Variants in ADAMTSL1 observed in about 807,000 individuals in gnomAD.
ADAMTSL1 encodes ADAMTS like 1, also known as ADAMTS-like protein 1.
ADAMTSL1 carries 126 observed loss-of-function variants against 201.8 expected under a neutral mutation model. The ratio of observed to expected loss-of-function variants is 0.62; its 90% confidence interval spans 0.54 to 0.72. The LOEUF is 0.72. ADAMTSL1 is among the 30% of genes least tolerant of loss of function. The probability of loss-of-function intolerance (pLI) is 0.00; values close to 1 mark genes in which losing one functional copy is unlikely to be tolerated. For synonymous variants in ADAMTSL1, 1,121 were observed against 903.4 expected, an observed-to-expected ratio of 1.24 and a Z score of -4.32; for missense variants, 2,679 against 2,277.8, an observed-to-expected ratio of 1.18 and a Z score of -3.59.
chr9:18,242,173 G>A (rs1395439720), intron 2 of ADAMTSL1, among the ~76,000 whole-genome samples: 2 of 151,946 alleles, frequency 1.3e-5, no homozygotes, highest in East Asian at 3.8e-4. Flanking sequence ...TGAACAAATG[G>A]GATTCATCCC....
chr9:18,641,905 T>C (rs929558246), intron 7 of ADAMTSL1, among the ~76,000 whole-genome samples: 1 of 151,990 alleles, frequency 6.6e-6, no homozygotes, highest in Non-Finnish European at 1.5e-5. Context: ...ATATAATACA[T>C]ATGTATAGTT....
chr9:18,072,510 A>T (rs1823014481), intron 1 of ADAMTSL1, among the ~76,000 whole-genome samples: 1 of 152,162 alleles, frequency 6.6e-6, no homozygotes, highest in Non-Finnish European at 1.5e-5. Flanking sequence ...TACTATGTGA[A>T]CTGTGTGTAC....
At chr9:18,887,138 G>C (rs958718931) in intron 23 of ADAMTSL1, among the ~76,000 whole-genome samples, 1 of 152,190 alleles carries the variant, frequency 6.6e-6, no homozygotes, top group Non-Finnish European at 1.5e-5. Flanking sequence ...TGACCTTCAA[G>C]GAATTTCTCT....
At chr9:17,972,407 T>C (rs1458661207) in intron 1 of ADAMTSL1, among the ~76,000 whole-genome samples, 1 of 148,612 alleles carries the variant, frequency 6.7e-6, no homozygotes, top group Admixed American at 6.9e-5. Flanking sequence ...AGTGAGAACA[T>C]ACGGTGTTTC....
chr9:17,960,655 T>C (rs1160444086), intron 1 of ADAMTSL1, among the ~76,000 whole-genome samples: 3 of 152,248 alleles, frequency 2.0e-5, no homozygotes, highest in African/African-American at 7.2e-5. Context: ...TTTTCCTTAA[T>C]GTCTAATAGC....
chr9:18,691,534 G>C (rs901769420), intron 13 of ADAMTSL1, among the ~76,000 whole-genome samples: 3 of 152,116 alleles, frequency 2.0e-5, no homozygotes, highest in Non-Finnish European at 2.9e-5. Context: ...TCCTAAAATT[G>C]ATTTTTTTCA....
At chr9:18,573,334 C>G (rs1002755159) in intron 3 of ADAMTSL1, 3 of 154,732 alleles carry the variant, frequency 1.9e-5, no homozygotes, top group East Asian at 3.9e-4. Context: ...TGTTCTAACA[C>G]AAGACTAGGC....
chr9:18,284,831 C>A lies in ADAMTSL1; in HGVS notation c.207+120850C>A, dbSNP rs188944550. On this transcript the variant is annotated intron_variant, in intron 2 of 29. Coordinates refer to the ADAMTSL1 transcript ENST00000680146. Reference sequence around the variant, plus strand: ...TGCTGTATTATCTGATTTTTCTCAGCTATCTGTTATTAATATTTTATATGA... The same window carrying A: ...TGCTGTATTATCTGATTTTTCTCAGATATCTGTTATTAATATTTTATATGA... Among the ~76,000 whole-genome samples, 92 of 152,194 alleles carry A rather than the reference C, an allele frequency of 6.0e-4. No homozygotes were observed. The East Asian group carries it at 0.012, about 19-fold the overall frequency.
chr9:18,413,156 T>C (rs1818522078), intron 2 of ADAMTSL1, among the ~76,000 whole-genome samples: 1 of 151,644 alleles, frequency 6.6e-6, no homozygotes. Flanking sequence ...ATTTTTTTTT[T>C]TTTTTTTTTG....
chr9:18,428,151 T>A (rs775077509), intron 2 of ADAMTSL1, among the ~76,000 whole-genome samples: 4 of 152,200 alleles, frequency 2.6e-5, no homozygotes, highest in Non-Finnish European at 5.9e-5. Context: ...CAAAATTCAA[T>A]AGGCATTTAT....
intron 3 of ADAMTSL1, among the ~76,000 whole-genome samples, chr9:18,547,759 A>G (rs1820560268): frequency 6.6e-6 from 1 of 151,936 alleles, no homozygotes; most frequent in Admixed American, 6.6e-5. Context: ...AACTCTACCA[A>G]GCCATACTTT....
intron 16 of ADAMTSL1, among the ~76,000 whole-genome samples, chr9:18,762,758 C>G (rs148761696): frequency 1.3e-5 from 2 of 152,030 alleles, no homozygotes; most frequent in African/African-American, 4.8e-5. Flanking sequence ...TGATGTTTGT[C>G]TTTCTGTGGC....
intron 1 of ADAMTSL1, among the ~76,000 whole-genome samples, chr9:18,077,306 A>T (rs904398846): frequency 2.6e-5 from 4 of 152,222 alleles, no homozygotes; most frequent in Non-Finnish European, 4.4e-5. Flanking sequence ...AAGAGAGGGC[A>T]GAGAACAAAG....
At chr9:18,722,931 C>T (rs927064045) in intron 15 of ADAMTSL1, 4 of 728,298 alleles carry the variant, frequency 5.5e-6, no homozygotes, top group African/African-American at 1.7e-5. Flanking sequence ...TCTGTCCTAA[C>T]TTCGCAGCTC....
intron 15 of ADAMTSL1, among the ~76,000 whole-genome samples, chr9:18,740,852 T>C (rs1263488753): frequency 6.6e-6 from 1 of 152,160 alleles, no homozygotes; most frequent in African/African-American, 2.4e-5. Flanking sequence ...AGCATTCTTA[T>C]ACCTCATTCT....
chr9:18,889,529 G>T (rs1295479211), intron 24 of ADAMTSL1, 39 bp from the exon 25 acceptor site: 3 of 1,604,272 alleles, frequency 1.9e-6, no homozygotes, highest in African/African-American at 1.3e-5. Flanking sequence ...GGGCAATTAT[G>T]CTATATTCTT....
At chr9:18,553,623 T>C (rs1208862840) in intron 3 of ADAMTSL1, among the ~76,000 whole-genome samples, 1 of 151,886 alleles carries the variant, frequency 6.6e-6, no homozygotes, top group East Asian at 1.9e-4. Context: ...TGAGTGCTTT[T>C]GGTTTTCTGT....
At chr9:18,793,644 A>G (rs1339269011) in intron 19 of ADAMTSL1, among the ~76,000 whole-genome samples, 1 of 152,210 alleles carries the variant, frequency 6.6e-6, no homozygotes, top group Non-Finnish European at 1.5e-5. Context: ...TAGGGAGGTT[A>G]AAAAATCACA....
intron 2 of ADAMTSL1, among the ~76,000 whole-genome samples, chr9:18,447,099 A>G (rs186454177): frequency 1.3e-5 from 2 of 152,306 alleles, no homozygotes; most frequent in Admixed American, 6.5e-5. Context: ...GTGGTAGCAG[A>G]GAGTGTTTTG....
Sources: allele counts gnomAD v4.1 joint callset (sites outside exome capture counted in the v4.1 genomes callset), GRCh38; gene constraint gnomAD v4.1.1; transcripts MANE v1.5; gene names NCBI Gene and HGNC (gene_info 2026-07-23, HGNC 2026-07-21).